The following ANO2 variants were observed in gnomAD, a reference collection of about 807,000 sequenced individuals.
The protein encoded by ANO2 is anoctamin 2, also known as anoctamin-2.
A neutral mutation model predicts 124.2 loss-of-function variants in ANO2; 101 were observed. The observed-to-expected ratio is 0.81, with a 90% CI of 0.69 to 0.96. The LOEUF (loss-of-function observed/expected upper bound fraction) is 0.96, where lower values mean the gene tolerates loss of function less well. Among genes scored for constraint, ANO2 ranks in the 40% least tolerant of loss-of-function variants. The probability of loss-of-function intolerance (pLI) is 0.00; values close to 1 mark genes in which losing one functional copy is unlikely to be tolerated. For missense variants in ANO2, 1,293 were observed against 1,274.5 expected, an observed-to-expected ratio of 1.01 and a Z score of -0.22; for synonymous variants, 486 against 482.5, an observed-to-expected ratio of 1.01 and a Z score of -0.09.
chr12:5,787,074 G>C lies in ANO2; in HGVS notation c.1055+12433C>G, dbSNP rs531794408. Among the ~76,000 whole-genome samples the C allele has an allele frequency of 1.1e-4, 16 of 152,164 alleles. No individual in the cohort carries two copies. Among genetic ancestry groups the C allele is most frequent in the Non-Finnish European group, 2.2e-4 (15 of 68,028 alleles). Reference sequence around the variant, plus strand: ...TTAGTTATGATGTCAGGGGGATGAGGAGAGGAAGACAAAAGAGGCTCTGGG... The same window carrying C: ...TTAGTTATGATGTCAGGGGGATGAGCAGAGGAAGACAAAAGAGGCTCTGGG... On this transcript the variant is annotated intron_variant, in intron 10 of 24. Transcript: ENST00000682330. This position sits in a 1 kb window ranked among gnomAD's most constrained non-coding sequence, Gnocchi z 4.2.
rs191070063 is a variant in ANO2 at position 5,762,604 on chromosome 12, T to C, written c.1056-11634A>G. On this transcript the variant is annotated intron_variant, in intron 10 of 24. Transcript: ENST00000682330. ...AGTTTAGAGATTACTTAAAGGTTGTTTCAGAATGAAGGAAGAAAGGATATA... is the reference window on the plus strand; with the variant it reads ...AGTTTAGAGATTACTTAAAGGTTGTCTCAGAATGAAGGAAGAAAGGATATA... Among the ~76,000 whole-genome samples, 524 of 151,944 alleles carry C rather than the reference T, an allele frequency of 3.4e-3. 4 individuals are homozygous for C. The highest frequency in any genetic ancestry group is 0.011 in the African/African-American group (462 of 41,544).
chr12:5,749,542 C>T (rs953702102), intron 11 of ANO2, among the ~76,000 whole-genome samples: 2 of 152,210 alleles, frequency 1.3e-5, no homozygotes, highest in African/African-American at 4.8e-5. Context: ...TCCAGTGCTC[C>T]TTGAATGCTT....
At chr12:5,882,179 C>T (rs1194000493) in intron 3 of ANO2, among the ~76,000 whole-genome samples, 1 of 152,194 alleles carries the variant, frequency 6.6e-6, no homozygotes, top group East Asian at 1.9e-4. Flanking sequence ...ATCTGACCTT[C>T]ATCAACTCAG....
chr12:5,807,287 A>G, intron 8 of ANO2, 26 bp downstream of exon 8: 1 of 1,546,740 alleles, frequency 6.5e-7, no homozygotes, highest in East Asian at 2.4e-5. Flanking sequence ...GACTACAGAG[A>G]GCACGCTGAT....
intron 5 of ANO2, among the ~76,000 whole-genome samples, chr12:5,832,040 A>G (rs1954168817): frequency 6.6e-6 from 1 of 152,192 alleles, no homozygotes; most frequent in Non-Finnish European, 1.5e-5. Flanking sequence ...CCAGAAACCC[A>G]GAAGCTTCAT....
At position 5,922,732 on chromosome 12, in the gene ANO2, T is replaced by C; in HGVS notation, c.95A>G (p.Lys32Arg). 6.2e-7 allele frequency: 1 copy of C among 1,601,024 alleles called. No homozygotes were observed. Among genetic ancestry groups the C allele is most frequent in the Non-Finnish European group, 8.5e-7 (1 of 1,174,854 alleles). Residue 32 changes from lysine (K) to arginine (R), a missense_variant, in exon 2 of 25, where the codon AAA (lysine) becomes AGA (arginine). Physicochemically the swap from Lys to Arg is conservative, Grantham distance 26. Transcript: ENST00000682330. The stretch of plus-strand genomic sequence containing the variant: ...CATCTTGAGACACTGCTGTCCATGT[T>C]TGGGGCCCTGGCCCCCTCTGGACCC... ...QAGSRGGQGP[K>R]HGQQCLKMPG...
chr12:5,867,986 AT>A, intron 3 of ANO2, among the ~76,000 whole-genome samples: 1 of 152,130 alleles, frequency 6.6e-6, no homozygotes, highest in East Asian at 1.9e-4. Flanking sequence ...AAAATAAGAC[AT>A]AGTATTCAAT....
In ANO2 at chr12:5,706,424, C is replaced by T. The variant is rs570114692; in HGVS notation, c.1545+26096G>A. Among the ~76,000 whole-genome samples, 6 of 152,028 alleles carry T rather than the reference C, an allele frequency of 3.9e-5. No homozygotes were observed. In the South Asian group the frequency reaches 1.3e-3, roughly 32 times the overall value. ...CTCTAACACATCAGGAATATACCTG[C>T]CCCGGGGCCTTTGCACTTGCTATCT... On this transcript the variant is annotated intron_variant, in intron 14 of 24. Transcript: ENST00000682330.
At chr12:5,876,625 A>G (rs1565741994) in intron 3 of ANO2, among the ~76,000 whole-genome samples, 1 of 152,250 alleles carries the variant, frequency 6.6e-6, no homozygotes, top group Non-Finnish European at 1.5e-5. Flanking sequence ...TGTGGCACAT[A>G]TACACCATGG....
At chr12:5,838,115 G>C (rs1954388057) in intron 4 of ANO2, among the ~76,000 whole-genome samples, 1 of 152,222 alleles carries the variant, frequency 6.6e-6, no homozygotes, top group African/African-American at 2.4e-5. Context: ...GTTCAGCTGA[G>C]AACCTCCAGG....
At chr12:5,761,348 T>C (rs1591584217) in intron 10 of ANO2, among the ~76,000 whole-genome samples, 2 of 152,294 alleles carry the variant, frequency 1.3e-5, no homozygotes, top group Admixed American at 1.3e-4. Context: ...AAAAGTCCTA[T>C]ACCCCAAATT....
intron 14 of ANO2, among the ~76,000 whole-genome samples, chr12:5,727,859 T>C (rs1031011036): frequency 7.3e-5 from 11 of 150,744 alleles, no homozygotes; most frequent in African/African-American, 2.2e-4. Context: ...CAGGCTGGAG[T>C]GCAGTCGTGC....
intron 15 of ANO2, among the ~76,000 whole-genome samples, chr12:5,640,556 G>T (rs865953458): frequency 6.6e-4 from 101 of 152,086 alleles, no homozygotes; most frequent in Middle Eastern, 6.8e-3. Context: ...CATCAAAAAG[G>T]GTGCAAAGGA....
chr12:5,690,436 G>T (rs1948880452), intron 14 of ANO2, among the ~76,000 whole-genome samples: 1 of 152,198 alleles, frequency 6.6e-6, no homozygotes, highest in South Asian at 2.1e-4. Flanking sequence ...GGCAACCAAA[G>T]CTCTTGGCCA....
chr12:5,598,479 C>T (rs1048861356), intron 20 of ANO2, among the ~76,000 whole-genome samples: 2 of 152,122 alleles, frequency 1.3e-5, no homozygotes, highest in African/African-American at 4.8e-5. Context: ...CCTCAGCCTC[C>T]CAAGTAGCTG....
intron 4 of ANO2, among the ~76,000 whole-genome samples, chr12:5,841,069 C>T (rs1954498287): frequency 6.6e-6 from 1 of 152,218 alleles, no homozygotes; most frequent in African/African-American, 2.4e-5. Flanking sequence ...TCACCCACTG[C>T]TCTCCCCGCC....
chr12:5,569,195 G>C (rs1461428514), intron 23 of ANO2, among the ~76,000 whole-genome samples: 1 of 152,164 alleles, frequency 6.6e-6, no homozygotes, highest in Admixed American at 6.5e-5. Context: ...CAGGTAAATA[G>C]CATGAAATGG....
At chr12:5,926,514 GCTCT>G (rs1281014704) in intron 1 of ANO2, among the ~76,000 whole-genome samples, 1 of 152,056 alleles carries the variant, frequency 6.6e-6, no homozygotes, top group East Asian at 1.9e-4. Flanking sequence ...ATACACCTCT[GCTCT>G]AGCACACCAG....
At position 5,852,890 on chromosome 12, in the gene ANO2, T is replaced by TGTGG. The variant is rs761045279; in HGVS notation, c.633+1152_633+1153insCCAC. Among the ~76,000 whole-genome samples the TGTGG allele has an allele frequency of 3.7e-5, 5 of 134,682 alleles. No individual in the cohort carries two copies. In the South Asian group the frequency reaches 1.2e-3, roughly 32 times the overall value. The allele number at this position is 134,682 out of a possible 152,430, so 88.4% of individuals were successfully genotyped here. A position where few individuals can be genotyped will look rare whatever the true frequency, so the allele number is the denominator to read the frequency against. ...GTGTGTGTGTGTGTGTGTGTGTGTG[T>TGTGG]GGTGTATATGAGAGAGAGAGAGAGA... On this transcript the variant is annotated intron_variant, in intron 4 of 24. Coordinates refer to ENST00000682330, the MANE Select transcript of ANO2 (RefSeq NM_001364791.2).
Sources: allele counts gnomAD v4.1 joint callset (sites outside exome capture counted in the v4.1 genomes callset), GRCh38; gene constraint gnomAD v4.1.1; non-coding constraint Gnocchi (gnomAD v3.1); transcripts MANE v1.5; gene names NCBI Gene and HGNC (gene_info 2026-07-23, HGNC 2026-07-21).